The following HS6ST2 variants were observed in gnomAD, a reference collection of about 807,000 sequenced individuals.
The protein encoded by HS6ST2 is heparan sulfate 6-O-sulfotransferase 2.
A neutral mutation model predicts 33.0 loss-of-function variants in HS6ST2; 17 were observed. That is an observed-to-expected ratio of 0.52 (90% CI 0.35 to 0.77). The LOEUF is 0.77. Among genes scored for constraint, HS6ST2 ranks in the 30% least tolerant of loss-of-function variants. HS6ST2 has a pLI of 0.01. For missense variants in HS6ST2, 519 were observed against 551.7 expected (o/e 0.94, Z 0.59); for synonymous variants, 248 against 237.1 (o/e 1.05, Z -0.42).
At chrX:132,940,665 G>C (rs1397826600) in intron 2 of HS6ST2, among the ~76,000 whole-genome samples, 2 of 112,043 alleles carry the variant, frequency 1.8e-5, no homozygotes, top group African/African-American at 6.5e-5. Context: ...ATGGGCAATA[G>C]GCACATGAAA....
At position 132,787,186 on chromosome X, in the gene HS6ST2, TACATATATATATACAC is replaced by T. The variant is rs1328110621; in HGVS notation, c.948-78708_948-78693del. ...ATATATGTATATATATATATATATA[TACATATATATATACAC>T]ATATATATATACACATATATATATA... On this transcript the variant is annotated intron_variant, in intron 2 of 4. Coordinates refer to ENST00000370833, the MANE Select transcript of HS6ST2 (RefSeq NM_001394073.1). Among the ~76,000 whole-genome samples the T allele has an allele frequency of 2.3e-3, 179 of 77,145 alleles. 5 individuals are homozygous for T. Among genetic ancestry groups the T allele is most frequent in the African/African-American group, 9.6e-3 (163 of 16,956 alleles). The allele number at this position is 77,145 out of a possible 115,157, so 67.0% of individuals were successfully genotyped here. A position where few individuals can be genotyped will look rare whatever the true frequency, so the allele number is the denominator to read the frequency against.
rs186247309 is a variant in HS6ST2 at position 132,756,048 on chromosome X, G to T, written c.948-47554C>A. The stretch of plus-strand genomic sequence containing the variant: ...TTAAAGCCATAGAATTCCAGGCCTC[G>T]GCCCAGCCCTCCAAAATCATGACAA... On this transcript the variant is annotated intron_variant, in intron 2 of 4. Transcript: ENST00000370833. Among the ~76,000 whole-genome samples the T allele has an allele frequency of 6.7e-4, 75 of 111,586 alleles. 1 individual carries two copies. Among genetic ancestry groups the T allele is most frequent in the Admixed American group, 9.5e-4 (10 of 10,525 alleles).
intron 2 of HS6ST2, among the ~76,000 whole-genome samples, chrX:132,812,775 T>C (rs2065361399): frequency 9.1e-6 from 1 of 110,468 alleles, no homozygotes; most frequent in Admixed American, 9.7e-5. Context: ...AAAAAGCCTT[T>C]AGTTTATCTG....
intron 2 of HS6ST2, among the ~76,000 whole-genome samples, chrX:132,865,800 C>A (rs1458647564): frequency 1.8e-5 from 2 of 111,311 alleles, no homozygotes; most frequent in Non-Finnish European, 3.8e-5. Context: ...CTGTTCATGT[C>A]CTTCGCCCAC....
chrX:132,893,882 A>T (rs1242890665), intron 2 of HS6ST2, among the ~76,000 whole-genome samples: 1 of 111,355 alleles, frequency 9.0e-6, no homozygotes, highest in African/African-American at 3.3e-5. Context: ...CCCAGAGCCC[A>T]AACCTTAACA....
chrX:132,744,073 C>T (rs921028264), intron 2 of HS6ST2, among the ~76,000 whole-genome samples: 2 of 111,713 alleles, frequency 1.8e-5, no homozygotes, highest in Non-Finnish European at 3.8e-5. Flanking sequence ...CAGGCATGAG[C>T]CACCATGCCT....
At chrX:132,846,151 T>C (rs976667033) in intron 2 of HS6ST2, among the ~76,000 whole-genome samples, 1 of 112,368 alleles carries the variant, frequency 8.9e-6, no homozygotes, top group African/African-American at 3.2e-5. Context: ...TTTCCTACCA[T>C]TTAACCAGGT....
At chrX:132,639,832 T>C (rs1264362745) in intron 4 of HS6ST2, among the ~76,000 whole-genome samples, 1 of 112,003 alleles carries the variant, frequency 8.9e-6, no homozygotes, top group African/African-American at 3.2e-5. Context: ...ACTGGGACTA[T>C]CATGGTTTGC....
chrX:132,926,190 A>C (rs1431149955), intron 2 of HS6ST2, among the ~76,000 whole-genome samples: 1 of 112,511 alleles, frequency 8.9e-6, no homozygotes, highest in Non-Finnish European at 1.9e-5. Context: ...GTTTTTGGAG[A>C]GCTGTATATA....
At position 132,806,029 on chromosome X, in the gene HS6ST2, G is replaced by C. The variant is rs140497207; in HGVS notation, c.948-97535C>G. On this transcript the variant is annotated intron_variant, in intron 2 of 4. Coordinates refer to ENST00000370833, the MANE Select transcript of HS6ST2 (RefSeq NM_001394073.1). ...AATTCTCTACAGAGATTGCCTTTTG[G>C]GGGAGAACAGGGTGTTATGGTGGTA... Among the ~76,000 whole-genome samples the C allele has an allele frequency of 2.5e-4, 27 of 109,889 alleles. 1 individual carries two copies. The highest frequency in any genetic ancestry group is 6.2e-4 in the African/African-American group (19 of 30,652).
chrX:132,957,421 G>C, intron 1 of HS6ST2, 95 bp from the exon 2 acceptor site: 20 of 947,771 alleles, frequency 2.1e-5, no homozygotes, highest in Non-Finnish European at 2.8e-5. Context: ...CCGCTGCTGC[G>C]CCCCTCTCCC....
At chrX:132,686,209 T>C (rs1045003704) in intron 3 of HS6ST2, among the ~76,000 whole-genome samples, 2 of 112,476 alleles carry the variant, frequency 1.8e-5, no homozygotes, top group Non-Finnish European at 3.8e-5. Context: ...CCATTAAATA[T>C]AATGTTATTT....
At chrX:132,796,203 A>C (rs912778677) in intron 2 of HS6ST2, among the ~76,000 whole-genome samples, 4 of 112,115 alleles carry the variant, frequency 3.6e-5, no homozygotes, top group Non-Finnish European at 5.6e-5. Context: ...ATCTTCTCCA[A>C]GTTTCCCCTC....
chrX:132,932,052 G>A (rs144027521), intron 2 of HS6ST2, among the ~76,000 whole-genome samples: 4,241 of 109,321 alleles, frequency 0.039, 201 homozygotes, highest in African/African-American at 0.13. Flanking sequence ...CGGGCGTGGT[G>A]GTGGGCGCCT....
intron 2 of HS6ST2, among the ~76,000 whole-genome samples, chrX:132,765,581 C>G (rs2064840625): frequency 9.0e-6 from 1 of 111,093 alleles, no homozygotes; most frequent in Non-Finnish European, 1.9e-5. Flanking sequence ...CTCAGTCTCC[C>G]GAGTAGCTGG....
At position 132,626,366 on chromosome X, in the gene HS6ST2, TACTA is replaced by T. The variant is rs774035565; in HGVS notation, c.*1853_*1856del. ...AGAAAATTGAAATACCATAGTGATC[TACTA>T]ACTATTTTAAAAACACAATTGTACA... On this transcript the variant is annotated 3_prime_UTR_variant, in exon 5 of 5. Transcript: ENST00000370833. 2.9e-4 allele frequency: 33 copies of T among 112,906 alleles called. No individual in the cohort carries two copies. The highest frequency in any genetic ancestry group is 5.6e-4 in the Admixed American group (6 of 10,646). 9.3% of individuals were successfully genotyped at this position (112,906 alleles called of 1,213,427 possible).
chrX:132,950,141 A>G (rs1461148604), intron 2 of HS6ST2, among the ~76,000 whole-genome samples: 3 of 111,377 alleles, frequency 2.7e-5, no homozygotes, highest in African/African-American at 9.8e-5. Flanking sequence ...CTTTTCCCCC[A>G]TGGCACTTCA....
At chrX:132,824,275 T>C (rs1337076905) in intron 2 of HS6ST2, among the ~76,000 whole-genome samples, 11 of 112,089 alleles carry the variant, frequency 9.8e-5, no homozygotes. Flanking sequence ...GCAGGGACTG[T>C]CTTCTGCCTC....
chrX:132,829,199 T>TATATATATATATATATATAGATACAC (rs55664940), intron 2 of HS6ST2, among the ~76,000 whole-genome samples: 1 of 73,294 alleles, frequency 1.4e-5, no homozygotes, highest in Non-Finnish European at 2.5e-5. Context: ...TATATATATA[T>TATATATATATATATATATAGATACAC]ACATACTTAT....
Sources: allele counts gnomAD v4.1 joint callset (sites outside exome capture counted in the v4.1 genomes callset), GRCh38; gene constraint gnomAD v4.1.1; transcripts MANE v1.5; gene names NCBI Gene and HGNC (gene_info 2026-07-23, HGNC 2026-07-21).